The following PLEKHG7 variants were observed in gnomAD, a reference collection of about 807,000 sequenced individuals.
The protein encoded by PLEKHG7 is pleckstrin homology domain-containing family G member 7.
In PLEKHG7, 77 loss-of-function variants were observed where a neutral mutation model predicts 85.2. The observed-to-expected ratio is 0.90, with a 90% CI of 0.75 to 1.09. PLEKHG7 has a LOEUF of 1.09. PLEKHG7 is among the 50% of genes least tolerant of loss of function. The probability of loss-of-function intolerance (pLI) is 0.00; values close to 1 mark genes in which losing one functional copy is unlikely to be tolerated. For synonymous variants in PLEKHG7, 301 were observed against 302.4 expected (o/e 1.00, Z 0.05); for missense variants, 777 against 804.3 (o/e 0.97, Z 0.41).
At chr12:92,762,213 C>T (rs1420869398) in intron 14 of PLEKHG7, among the ~76,000 whole-genome samples, 1 of 152,132 alleles carries the variant, frequency 6.6e-6, no homozygotes, top group Non-Finnish European at 1.5e-5. Context: ...GAATTGGCCA[C>T]CACAACAAAA....
chr12:92,756,066 A>T, intron 12 of PLEKHG7, 126 bp downstream of exon 12: 1 of 755,394 alleles, frequency 1.3e-6, no homozygotes, highest in Non-Finnish European at 2.2e-6. Context: ...CATGAACAAG[A>T]AGTAAAGTCT....
In PLEKHG7 at chr12:92,707,000, G is replaced by A. The variant is rs200496714; in HGVS notation, c.369G>A (p.Glu123=). 243 of 1,614,046 alleles carry A rather than the reference G, an allele frequency of 1.5e-4. No homozygotes were observed. Among genetic ancestry groups the A allele is most frequent in the Non-Finnish European group, 2.0e-4 (235 of 1,180,008 alleles). ...ERALNAADSL[E]PQTRPTDKYL... is the part of the protein sequence containing the mutation. ...CCCTGAATGCAGCTGACTCACTGGA[G>A]CCCCAAACCCGGCCCACTGACAAGT... Residue 123 remains glutamate (E), a synonymous_variant, in exon 2 of 17, where the codon GAG becomes GAA. Transcript: ENST00000344636.
intron 5 of PLEKHG7, among the ~76,000 whole-genome samples, chr12:92,733,965 G>A (rs1433596474): frequency 1.3e-5 from 2 of 152,186 alleles, no homozygotes; most frequent in Non-Finnish European, 2.9e-5. Context: ...AGGAAAACAT[G>A]CTAAATGGTT....
chr12:92,713,425 T>C (rs116166856), intron 3 of PLEKHG7, among the ~76,000 whole-genome samples: 8,161 of 152,258 alleles, frequency 0.054, 737 homozygotes, highest in African/African-American at 0.18. Context: ...TCTATTCTGA[T>C]TGCCGCTTTG....
intron 5 of PLEKHG7, among the ~76,000 whole-genome samples, chr12:92,733,551 T>A (rs1343236334): frequency 6.6e-6 from 1 of 152,192 alleles, no homozygotes; most frequent in East Asian, 1.9e-4. Context: ...ACGTGCTTTG[T>A]CTGTTTTTCT....
intron 5 of PLEKHG7, 34 bp downstream of exon 5, chr12:92,732,307 T>A: frequency 8.4e-7 from 1 of 1,195,112 alleles, no homozygotes; most frequent in Non-Finnish European, 1.0e-6. Flanking sequence ...TTGTTTTAAT[T>A]AAGCTTCCTG....
chr12:92,726,931 TG>T (rs1331888535), intron 3 of PLEKHG7, among the ~76,000 whole-genome samples: 1 of 152,230 alleles, frequency 6.6e-6, no homozygotes, highest in African/African-American at 2.4e-5. Context: ...TGGATCCTGC[TG>T]CCTTCTGAGG....
chr12:92,753,787 A>G (rs59481606), intron 10 of PLEKHG7, among the ~76,000 whole-genome samples: 25,879 of 152,244 alleles, frequency 0.17, 2,997 homozygotes, highest in African/African-American at 0.33. Flanking sequence ...ACCAAAGCTG[A>G]TGAAACCAGA....
intron 15 of PLEKHG7, 123 bp from the exon 16 acceptor site, chr12:92,768,860 C>T: frequency 1.6e-6 from 1 of 620,192 alleles, no homozygotes; most frequent in Non-Finnish European, 2.7e-6. Context: ...AGATAAACCT[C>T]CCACCCTCGT....
chr12:92,727,943 T>C (rs1871865617), intron 3 of PLEKHG7, among the ~76,000 whole-genome samples: 1 of 128,528 alleles, frequency 7.8e-6, no homozygotes, highest in Non-Finnish European at 1.6e-5. Flanking sequence ...TGTGTGTGTG[T>C]GTGTGTGTGT....
intron 13 of PLEKHG7, 133 bp from the exon 14 acceptor site, chr12:92,761,619 G>A (rs1873000402): frequency 1.0e-6 from 1 of 993,492 alleles, no homozygotes; most frequent in Non-Finnish European, 1.3e-6. Flanking sequence ...AAGAAAGAAA[G>A]AAAGAAGAAA....
intron 3 of PLEKHG7, among the ~76,000 whole-genome samples, chr12:92,711,959 C>T (rs911071524): frequency 1.3e-5 from 2 of 152,216 alleles, no homozygotes; most frequent in African/African-American, 4.8e-5. Context: ...CATTGTACCT[C>T]TTTCTTGGTT....
intron 7 of PLEKHG7, among the ~76,000 whole-genome samples, chr12:92,738,276 G>A (rs534253087): frequency 6.6e-6 from 1 of 152,302 alleles, no homozygotes; most frequent in African/African-American, 2.4e-5. Flanking sequence ...GCAAGGAAGA[G>A]AACCATAGAG....
Position 92,755,918 on chromosome 12 carries a change from A to C in PLEKHG7, c.1520A>C (p.Asp507Ala). The C allele has an allele frequency of 6.2e-7, 1 of 1,609,722 alleles. No homozygotes were observed. The highest frequency in any genetic ancestry group is 8.5e-7 in the Non-Finnish European group (1 of 1,178,658). ...GTGTGGCCACCGCTTTGGGATAGAG[A>C]TAAAAGGTTTTTCATTCCAGAGGTA... Reference protein sequence around the residue: ...IIVWPPLWDRDKRFFIPECLK... With the variant: ...IIVWPPLWDRAKRFFIPECLK... Residue 507 changes from aspartate to alanine, a missense_variant, in exon 12 of 17, where the codon GAT (aspartate) becomes GCT (alanine). Coordinates refer to ENST00000344636, the MANE Select transcript of PLEKHG7 (RefSeq NM_001377329.1).
At chr12:92,708,229 A>C (rs907028918) in intron 3 of PLEKHG7, 24 of 152,550 alleles carry the variant, frequency 1.6e-4, no homozygotes, top group African/African-American at 5.5e-4. Flanking sequence ...CTGCAGCAGC[A>C]AGGGAAAGAT....
intron 13 of PLEKHG7, among the ~76,000 whole-genome samples, chr12:92,760,607 T>C (rs59856398): frequency 0.02 from 3,070 of 152,260 alleles, 111 homozygotes; most frequent in African/African-American, 0.069. Context: ...CATCTCCCTC[T>C]AAAAACCTTT....
chr12:92,712,015 A>G (rs1311082789), intron 3 of PLEKHG7, among the ~76,000 whole-genome samples: 3 of 152,212 alleles, frequency 2.0e-5, no homozygotes, highest in African/African-American at 7.2e-5. Flanking sequence ...TTTAGAAGGA[A>G]TATCTTGAAA....
At chr12:92,749,999 ATTATTTTATT>A (rs55645352) in intron 10 of PLEKHG7, among the ~76,000 whole-genome samples, 1,575 of 93,600 alleles carry the variant, frequency 0.017, 49 homozygotes, top group African/African-American at 0.064. Flanking sequence ...ATTTTATTTT[ATTATTTTATT>A]TTATTTTATT....
At chr12:92,749,752 T>C (rs1872632860) in intron 10 of PLEKHG7, 1 of 152,180 alleles carries the variant, frequency 6.6e-6, no homozygotes, top group East Asian at 1.9e-4. Flanking sequence ...TATCAACATT[T>C]TACTGATAAT....
Sources: allele counts gnomAD v4.1 joint callset (sites outside exome capture counted in the v4.1 genomes callset), GRCh38; gene constraint gnomAD v4.1.1; transcripts MANE v1.5; gene names NCBI Gene and HGNC (gene_info 2026-07-23, HGNC 2026-07-21).